Variants in SLC4A1AP observed in about 807,000 individuals in gnomAD.
SLC4A1AP encodes kanadaptin.
Under a neutral mutation model 89.7 loss-of-function variants are expected in SLC4A1AP, and 64 were observed. That is an observed-to-expected ratio of 0.71 (90% CI 0.58 to 0.88). SLC4A1AP has a LOEUF of 0.88. SLC4A1AP is among the 40% of genes least tolerant of loss of function. SLC4A1AP has a pLI of 0.00. For missense variants in SLC4A1AP, 931 were observed against 965.0 expected (o/e 0.96, Z 0.47); for synonymous variants, 366 against 353.3 (o/e 1.04, Z -0.40).
At chr2:27,677,955 TAAGTATGGTAGCATAG>T in intron 8 of SLC4A1AP, 31 bp downstream of exon 8, 1 of 1,400,164 alleles carries the variant, frequency 7.1e-7, no homozygotes, top group Non-Finnish European at 9.9e-7. Flanking sequence ...GAATTCTAAA[TAAGTATGGTAGCATAG>T]ATAACATTTT....
chr2:27,670,324 T>G (rs1391047703), intron 5 of SLC4A1AP, among the ~76,000 whole-genome samples: 1 of 152,046 alleles, frequency 6.6e-6, no homozygotes, highest in Non-Finnish European at 1.5e-5. Context: ...ATCAATACAT[T>G]AATATGTATC....
intron 12 of SLC4A1AP, among the ~76,000 whole-genome samples, chr2:27,690,579 TG>T (rs1675774452): frequency 6.6e-6 from 1 of 152,142 alleles, no homozygotes; most frequent in African/African-American, 2.4e-5. Context: ...TTCAATCTCT[TG>T]GGCTCAAGTG....
chr2:27,663,992 G>A (rs1675249381), exon 1 of SLC4A1AP: 1 of 1,614,068 alleles, frequency 6.2e-7, no homozygotes, highest in Non-Finnish European at 8.5e-7. Flanking sequence ...CAGCTCTGCC[G>A]GTGTCCCCAG....
At chr2:27,689,111 TTTTA>T (rs200134185) in intron 12 of SLC4A1AP, among the ~76,000 whole-genome samples, 13 of 152,056 alleles carry the variant, frequency 8.5e-5, no homozygotes, top group Admixed American at 2.0e-4. Flanking sequence ...TGTTTTTTTG[TTTTA>T]TTTATTTATT....
At chr2:27,667,500 CCTT>C (rs1675349416) in intron 3 of SLC4A1AP, 110 bp downstream of exon 3, 2 of 1,057,538 alleles carry the variant, frequency 1.9e-6, no homozygotes, top group Non-Finnish European at 1.3e-6. Flanking sequence ...TTATTGCTGT[CCTT>C]CTTGTTCACT....
At chr2:27,665,862 T>C (rs75957817) in intron 2 of SLC4A1AP, among the ~76,000 whole-genome samples, 8,697 of 152,226 alleles carry the variant, frequency 0.057, 687 homozygotes, top group African/African-American at 0.18. Flanking sequence ...GTTGGGAAGA[T>C]AGGAAAAATT....
At chr2:27,680,217 T>C (rs1414481056) in intron 8 of SLC4A1AP, among the ~76,000 whole-genome samples, 2 of 152,114 alleles carry the variant, frequency 1.3e-5, no homozygotes, top group East Asian at 3.9e-4. Flanking sequence ...ATTAATAATA[T>C]TGATTGCCAA....
At chr2:27,686,951 T>C (rs1193534356) in intron 10 of SLC4A1AP, among the ~76,000 whole-genome samples, 1 of 152,114 alleles carries the variant, frequency 6.6e-6, no homozygotes, top group African/African-American at 2.4e-5. Context: ...CTCTGAAGCC[T>C]TGACCTCCCA....
chr2:27,665,101 G>A (rs754969300), exon 2 of SLC4A1AP: 1 of 1,609,656 alleles, frequency 6.2e-7, no homozygotes, highest in Non-Finnish European at 8.5e-7. Context: ...GTTCATCAGG[G>A]ACCAGAGGAA....
At chr2:27,680,025 C>A (rs1675594219) in intron 8 of SLC4A1AP, among the ~76,000 whole-genome samples, 1 of 152,090 alleles carries the variant, frequency 6.6e-6, no homozygotes, top group Non-Finnish European at 1.5e-5. Flanking sequence ...ACCCTGTCCC[C>A]CCAACCCTTC....
At chr2:27,689,626 A>G (rs894363082) in intron 12 of SLC4A1AP, among the ~76,000 whole-genome samples, 1 of 152,180 alleles carries the variant, frequency 6.6e-6, no homozygotes, top group African/African-American at 2.4e-5. Context: ...CAGGGTTTTT[A>G]TTGGCGACTG....
intron 2 of SLC4A1AP, among the ~76,000 whole-genome samples, chr2:27,666,083 A>C (rs978952722): frequency 6.6e-6 from 1 of 152,240 alleles, no homozygotes; most frequent in Non-Finnish European, 1.5e-5. Context: ...TGAATTTCAA[A>C]GACTTAGTCT....
At chr2:27,687,325 G>A (rs1239809286) in intron 10 of SLC4A1AP, among the ~76,000 whole-genome samples, 1 of 151,982 alleles carries the variant, frequency 6.6e-6, no homozygotes, top group African/African-American at 2.4e-5. Flanking sequence ...ACTCACACCT[G>A]TAATCCCAAC....
intron 6 of SLC4A1AP, among the ~76,000 whole-genome samples, chr2:27,677,061 C>T (rs1240560045): frequency 6.6e-6 from 1 of 152,008 alleles, no homozygotes; most frequent in Non-Finnish European, 1.5e-5. Context: ...ATCGCTTGAA[C>T]CCGGGAGTCG....
intron 5 of SLC4A1AP, among the ~76,000 whole-genome samples, chr2:27,673,891 C>G (rs1218254512): frequency 6.6e-6 from 1 of 152,046 alleles, no homozygotes; most frequent in Non-Finnish European, 1.5e-5. Context: ...GATGAAGGAA[C>G]AGGAGTGAAG....
chr2:27,682,376 G>T lies in SLC4A1AP; in HGVS notation c.1875+17G>T. ...ACAGTAGGGGTAAGTTGTGAGTCAGGGTGTTAAACTTTTAGCCCTTGAGTT... is the reference window on the plus strand; with the variant it reads ...ACAGTAGGGGTAAGTTGTGAGTCAGTGTGTTAAACTTTTAGCCCTTGAGTT... On this transcript the variant is annotated intron_variant, in intron 9 of 13. Coordinates refer to ENST00000613058, the Ensembl canonical transcript of SLC4A1AP. The T allele has an allele frequency of 5.9e-6, 9 of 1,520,326 alleles. No homozygotes were observed. Among genetic ancestry groups the T allele is most frequent in the Non-Finnish European group, 8.2e-6 (9 of 1,101,388 alleles). 94.2% of individuals were successfully genotyped at this position (1,520,326 alleles called of 1,614,324 possible).
At chr2:27,688,336 A>G (rs1272045008) in intron 11 of SLC4A1AP, among the ~76,000 whole-genome samples, 1 of 152,194 alleles carries the variant, frequency 6.6e-6, no homozygotes, top group Non-Finnish European at 1.5e-5. Context: ...ATATGTACCT[A>G]TTATGGGAGT....
At chr2:27,669,318 G>A (rs747938888) in exon 5 of SLC4A1AP, 1 of 1,613,362 alleles carries the variant, frequency 6.2e-7, no homozygotes. Flanking sequence ...GAAAAAAGAA[G>A]CAATGATCCA....
At chr2:27,677,752 C>G (rs1675547085) in exon 8 of SLC4A1AP, 1 of 1,604,100 alleles carries the variant, frequency 6.2e-7, no homozygotes, top group South Asian at 1.1e-5. Context: ...ATCAGAGTCT[C>G]CATCTCAGGA....
Sources: allele counts gnomAD v4.1 joint callset (sites outside exome capture counted in the v4.1 genomes callset), GRCh38; gene constraint gnomAD v4.1.1; transcripts MANE v1.5; gene names NCBI Gene and HGNC (gene_info 2026-07-23, HGNC 2026-07-21).